Variants in NUP133 observed in about 807,000 individuals in gnomAD.
NUP133 encodes the protein nuclear pore complex protein Nup133.
A neutral mutation model predicts 146.2 loss-of-function variants in NUP133; 66 were observed. The ratio of observed to expected loss-of-function variants is 0.45; its 90% CI spans 0.37 to 0.55. NUP133 has a LOEUF of 0.55. Among genes scored for constraint, NUP133 ranks in the 20% least tolerant of loss-of-function variants. The probability of loss-of-function intolerance (pLI) is 0.00; values close to 1 mark genes in which losing one functional copy is unlikely to be tolerated. For missense variants in NUP133, 1,277 were observed against 1,374.8 expected (o/e 0.93, Z 1.12); for synonymous variants, 521 against 498.8 (o/e 1.04, Z -0.59).
chr1:229,483,121 C>T (rs1661257356), intron 12 of NUP133, among the ~76,000 whole-genome samples: 1 of 152,146 alleles, frequency 6.6e-6, no homozygotes, highest in African/African-American at 2.4e-5. Flanking sequence ...TTTTTTGAGA[C>T]AGGGACTTGA....
chr1:229,474,795 T>G (rs533772494), intron 14 of NUP133, among the ~76,000 whole-genome samples: 1 of 152,284 alleles, frequency 6.6e-6, no homozygotes, highest in African/African-American at 2.4e-5. Context: ...TAGGCACTAC[T>G]GAGTTTGAAA....
intron 25 of NUP133, among the ~76,000 whole-genome samples, chr1:229,444,095 G>A (rs902400088): frequency 6.6e-6 from 1 of 152,010 alleles, no homozygotes; most frequent in African/African-American, 2.4e-5. Context: ...CAATTTGGGA[G>A]GCTGAGGCGG....
chr1:229,465,342 G>A (rs1660788122), intron 17 of NUP133, 78 bp downstream of exon 17: 2 of 1,132,794 alleles, frequency 1.8e-6, no homozygotes, highest in South Asian at 1.3e-5. Context: ...ACCTACGCTA[G>A]GGGAATAACA....
chr1:229,477,119 C>T (rs960598168), intron 13 of NUP133, among the ~76,000 whole-genome samples: 1 of 151,908 alleles, frequency 6.6e-6, no homozygotes, highest in East Asian at 1.9e-4. Flanking sequence ...TAGACCTGTT[C>T]TGACCCTTTT....
At chr1:229,460,099 TC>T (rs1223618900) in intron 20 of NUP133, among the ~76,000 whole-genome samples, 1 of 152,228 alleles carries the variant, frequency 6.6e-6, no homozygotes, top group African/African-American at 2.4e-5. Context: ...AATTTGCATT[TC>T]CCTAATGATG....
chr1:229,475,098 C>CAATAAATAAATAAATA (rs541499624), intron 14 of NUP133, among the ~76,000 whole-genome samples: 1 of 151,288 alleles, frequency 6.6e-6, no homozygotes, highest in African/African-American at 2.4e-5. Flanking sequence ...TGCCCTGTCT[C>CAATAAATAAATAAATA]AATAAATAAA....
At chr1:229,501,434 G>T (rs2102785902) in intron 3 of NUP133, among the ~76,000 whole-genome samples, 1 of 152,294 alleles carries the variant, frequency 6.6e-6, no homozygotes, top group Admixed American at 6.5e-5. Flanking sequence ...GGAGCCCTGA[G>T]TTCCAACGGA....
chr1:229,460,113 T>C (rs1558092493), intron 20 of NUP133, among the ~76,000 whole-genome samples: 1 of 152,214 alleles, frequency 6.6e-6, no homozygotes, highest in African/African-American at 2.4e-5. Flanking sequence ...TAATGATGAG[T>C]GATGCAGAAC....
chr1:229,481,753 C>T (rs1471570676), intron 12 of NUP133, among the ~76,000 whole-genome samples: 1 of 151,064 alleles, frequency 6.6e-6, no homozygotes, highest in African/African-American at 2.4e-5. Flanking sequence ...ACAATGGAGG[C>T]AGAAACTGGA....
chr1:229,448,921 G>A, intron 24 of NUP133: 2 of 558,860 alleles, frequency 3.6e-6, no homozygotes, highest in Middle Eastern at 4.7e-4. Flanking sequence ...CTCAACCTGT[G>A]GTTGTAGATT....
intron 14 of NUP133, among the ~76,000 whole-genome samples, chr1:229,472,032 G>A (rs2102763572): frequency 1.3e-5 from 2 of 152,250 alleles, no homozygotes; most frequent in East Asian, 3.9e-4. Flanking sequence ...TATTTTAGGT[G>A]TAATCGGCCA....
At chr1:229,460,585 C>T (rs777415219) in intron 20 of NUP133, 26 bp downstream of exon 20, 2 of 1,605,582 alleles carry the variant, frequency 1.2e-6, no homozygotes, top group Admixed American at 1.7e-5. Flanking sequence ...TTGCACACAT[C>T]TGCTCCATAG....
intron 13 of NUP133, among the ~76,000 whole-genome samples, chr1:229,476,146 A>C (rs1661069853): frequency 6.6e-6 from 1 of 152,112 alleles, no homozygotes; most frequent in South Asian, 2.1e-4. Flanking sequence ...TCTATACAAA[A>C]TAAAAATATC....
chr1:229,458,321 G>C (rs545956379), intron 20 of NUP133, 25 bp from the exon 21 acceptor site: 3 of 1,605,280 alleles, frequency 1.9e-6, no homozygotes, highest in Non-Finnish European at 2.6e-6. Flanking sequence ...GCAAACCATC[G>C]TAAGATACTG....
chr1:229,482,880 TAGAGAGC>T (rs1661251890), intron 12 of NUP133, among the ~76,000 whole-genome samples: 1 of 152,146 alleles, frequency 6.6e-6, no homozygotes, highest in Non-Finnish European at 1.5e-5. Flanking sequence ...ATCACAGGAA[TAGAGAGC>T]GAGCTGGCCA....
intron 12 of NUP133, among the ~76,000 whole-genome samples, chr1:229,479,999 G>C (rs532001320): frequency 3.9e-5 from 6 of 152,302 alleles, no homozygotes; most frequent in Admixed American, 3.9e-4. Context: ...AAAGGTCAAA[G>C]GACAGAGGAA....
In NUP133 at chr1:229,470,605, G is replaced by T. The variant is rs1475394437; in HGVS notation, c.2051C>A (p.Thr684Asn). Reference protein sequence around the residue: ...KREYEIPSNLTPADVFFREVS... With the variant: ...KREYEIPSNLNPADVFFREVS... ...CTCCCTGAAAAAGACATCTGCAGGA[G>T]TCAGGTTGGATGGGATTTCATACTC... Residue 684 changes from threonine to asparagine, a missense_variant, in exon 15 of 26, where the codon ACT becomes AAT. Around this residue, in one of 3 missense-constraint regions of NUP133, gnomAD observed 952 missense variants for 1,047.0 expected, o/e 0.91. Coordinates refer to ENST00000261396, the MANE Select transcript of NUP133 (RefSeq NM_018230.3). 3 of 1,614,072 alleles carry T rather than the reference G, an allele frequency of 1.9e-6. No individual in the cohort carries two copies.
Position 229,449,001 on chromosome 1 carries a change from T to TG in NUP133, c.3245+124dup. 3 of 729,726 alleles carry TG rather than the reference T, an allele frequency of 4.1e-6. No homozygotes were observed. The Admixed American group carries it at 6.6e-5, about 16-fold the overall frequency. The allele number at this position is 729,726 out of a possible 1,614,324, so 45.2% of individuals were successfully genotyped here. A position where few individuals can be genotyped will look rare whatever the true frequency, so the allele number is the denominator to read the frequency against. ...CCAACAGAACTCACTGGTTGCCCAG[T>TG]GTAGGAGGTGGGAAATCCCAACACG... On this transcript the variant is annotated intron_variant, in intron 24 of 25. Coordinates refer to ENST00000261396, the MANE Select transcript of NUP133 (RefSeq NM_018230.3).
In NUP133 at chr1:229,472,707, CATAT is replaced by C. The variant is rs372362492; in HGVS notation, c.1852-1907_1852-1904del. On this transcript the variant is annotated intron_variant, in intron 14 of 25. Coordinates refer to ENST00000261396, the MANE Select transcript of NUP133 (RefSeq NM_018230.3). ...CAAAAAAATTAAAAAACTAAATATA[CATAT>C]ATATATATATATATATGTACAATCA... Among the ~76,000 whole-genome samples the C allele has an allele frequency of 7.1e-3, 884 of 124,304 alleles. 50 individuals carry two copies. Among genetic ancestry groups the C allele is most frequent in the African/African-American group, 0.025 (813 of 31,990 alleles). The allele number at this position is 124,304 out of a possible 152,430, so 81.5% of individuals were successfully genotyped here.
Sources: allele counts gnomAD v4.1 joint callset (sites outside exome capture counted in the v4.1 genomes callset), GRCh38; gene constraint gnomAD v4.1.1; regional missense constraint gnomAD v4.1.1; transcripts MANE v1.5; gene names NCBI Gene and HGNC (gene_info 2026-07-23, HGNC 2026-07-21).